Variants in JAK1 observed in about 807,000 individuals in gnomAD.
The protein encoded by JAK1 is tyrosine-protein kinase JAK1.
Under a neutral mutation model 136.6 loss-of-function variants are expected in JAK1, and 16 were observed. That is an observed-to-expected ratio of 0.12 (90% CI 0.08 to 0.18). JAK1 has a LOEUF of 0.18. Among genes scored for constraint, JAK1 ranks in the 10% least tolerant of loss-of-function variants. The pLI, the probability that JAK1 is intolerant of heterozygous loss-of-function variation, is 1.00. For missense variants in JAK1, 859 were observed against 1,450.1 expected (o/e 0.59, Z 6.62); for synonymous variants, 492 against 519.5 (o/e 0.95, Z 0.72).
rs141839975 is a variant in JAK1, at chr1:65,032,572, A to C, written c.-78+11908T>G. On this transcript the variant is annotated intron_variant, in intron 2 of 25. Coordinates refer to the JAK1 transcript ENST00000671954. ...CAATGAATCCACTCAAAATAATTTC[A>C]AATGACCTGGCTTTATTTTCTTAAC... Among the ~76,000 whole-genome samples, 84 of 152,376 alleles carry C rather than the reference A, an allele frequency of 5.5e-4. No homozygotes were observed. The East Asian group carries it at 0.014, about 26-fold the overall frequency.
At chr1:64,901,177 G>C (rs1645099571) in intron 1 of JAK1, among the ~76,000 whole-genome samples, 1 of 152,152 alleles carries the variant, frequency 6.6e-6, no homozygotes, top group Non-Finnish European at 1.5e-5. Flanking sequence ...ATAAATGTCT[G>C]TGTAAGAAGC....
At chr1:65,044,475 C>T (rs548998229) in intron 2 of JAK1, among the ~76,000 whole-genome samples, 9 of 152,288 alleles carry the variant, frequency 5.9e-5, no homozygotes, top group East Asian at 1.9e-4. Context: ...TTAATACCTA[C>T]GTACCTGCCT....
chr1:64,872,861 CT>C (rs1441908550), intron 5 of JAK1, among the ~76,000 whole-genome samples: 3 of 152,180 alleles, frequency 2.0e-5, no homozygotes, highest in Non-Finnish European at 2.9e-5. Flanking sequence ...AAGCATACTA[CT>C]AAAAATCTTA....
chr1:64,963,574 G>A (rs72922272), intron 1 of JAK1, among the ~76,000 whole-genome samples: 29,514 of 151,870 alleles, frequency 0.19, 3,532 homozygotes, highest in East Asian at 0.41. Flanking sequence ...CTCAACTACC[G>A]GTAAATCTAA....
At chr1:64,913,170 C>T (rs1570759041) in intron 1 of JAK1, among the ~76,000 whole-genome samples, 2 of 152,272 alleles carry the variant, frequency 1.3e-5, no homozygotes, top group East Asian at 3.9e-4. Context: ...TACAGGCGTG[C>T]ACACCATCAC....
intron 1 of JAK1, among the ~76,000 whole-genome samples, 155 bp downstream of exon 1, chr1:64,966,178 G>C (rs1646373903): frequency 6.6e-6 from 1 of 151,716 alleles, no homozygotes. Context: ...CGCCCGAGCC[G>C]CGGGGTCCTG....
At chr1:65,030,743 G>T (rs971255830) in intron 2 of JAK1, among the ~76,000 whole-genome samples, 2 of 152,156 alleles carry the variant, frequency 1.3e-5, no homozygotes, top group Non-Finnish European at 2.9e-5. Flanking sequence ...TGTTGGCCAG[G>T]TTGGTCTTGA....
intron 1 of JAK1, among the ~76,000 whole-genome samples, chr1:65,056,487 AC>A (rs1242352553): frequency 6.6e-6 from 1 of 151,896 alleles, no homozygotes; most frequent in Non-Finnish European, 1.5e-5. Flanking sequence ...ATAAGAAAGA[AC>A]CTCTCTGTAC....
chr1:64,943,239 C>A (rs1246901298), intron 1 of JAK1, among the ~76,000 whole-genome samples: 1 of 152,114 alleles, frequency 6.6e-6, no homozygotes, highest in Non-Finnish European at 1.5e-5. Flanking sequence ...AGAATTGATA[C>A]CTATTACCTC....
At chr1:64,838,131 A>G (rs376264402) in intron 21 of JAK1, 27 bp from the exon 22 acceptor site, 2 of 1,596,500 alleles carry the variant, frequency 1.3e-6, no homozygotes, top group East Asian at 4.5e-5. Flanking sequence ...AAAGTCAAGC[A>G]CATTGCTAAA....
Position 64,928,792 on chromosome 1 carries a change from A to AAAAAAAC in JAK1, c.-78+37540_-78+37541insGTTTTTT, listed in dbSNP as rs1553170032. Reference sequence around the variant, plus strand: ...ATAAAACTCTGCAAAAAAAAAAAAAAAAAACAAAAAAAAAAAACTCTGCAA... The same window carrying AAAAAAAC: ...ATAAAACTCTGCAAAAAAAAAAAAAAAAAAAACAAAACAAAAAAAAAAAACTCTGCAA... On this transcript the variant is annotated intron_variant, in intron 1 of 24. Coordinates refer to ENST00000342505, the MANE Select transcript of JAK1 (RefSeq NM_002227.4). Among the ~76,000 whole-genome samples the AAAAAAAC allele has an allele frequency of 1.7e-4, 21 of 125,550 alleles. No homozygotes were observed. In the South Asian group the frequency reaches 2.7e-3, roughly 16 times the overall value. 82.4% of individuals were successfully genotyped at this position (125,550 alleles called of 152,430 possible).
chr1:65,037,867 G>C lies in JAK1; in HGVS notation c.-78+6613C>G, dbSNP rs544289663. The stretch of plus-strand genomic sequence containing the variant: ...GGCAACAGAGTGAGACCTTGTTTCT[G>C]AAGAAGAAAATAATAAATAAAACAA... On this transcript the variant is annotated intron_variant, in intron 2 of 25. Coordinates refer to the JAK1 transcript ENST00000671954. 2.0e-5 allele frequency among the ~76,000 whole-genome samples: 3 copies of C among 152,212 alleles called. No individual in the cohort carries two copies. The East Asian group carries it at 5.8e-4, about 29-fold the overall frequency.
intron 1 of JAK1, among the ~76,000 whole-genome samples, chr1:64,905,220 C>T (rs1309990240): frequency 6.6e-6 from 1 of 152,180 alleles, no homozygotes; most frequent in Non-Finnish European, 1.5e-5. Flanking sequence ...GTTCAGGAAA[C>T]CCTGCCTCAT....
chr1:64,959,527 G>C (rs1390539846), intron 1 of JAK1, among the ~76,000 whole-genome samples: 1 of 151,390 alleles, frequency 6.6e-6, no homozygotes, highest in African/African-American at 2.4e-5. Context: ...GGTATACATG[G>C]TGCCTCTGCC....
At position 65,061,529 on chromosome 1, in the gene JAK1, T is replaced by C. The variant is rs537205273; in HGVS notation, c.-181+6075A>G. On this transcript the variant is annotated intron_variant, in intron 1 of 25. Transcript: ENST00000671954. ...ATTAAATAACTGAAGGCACCGTAAGTTGTTGGCCAAGCAGAATATTTGAAA... is the reference window on the plus strand; with the variant it reads ...ATTAAATAACTGAAGGCACCGTAAGCTGTTGGCCAAGCAGAATATTTGAAA... Among the ~76,000 whole-genome samples the C allele has an allele frequency of 2.3e-3, 344 of 152,304 alleles. 2 individuals are homozygous for C. Among genetic ancestry groups the C allele is most frequent in the African/African-American group, 8.0e-3 (331 of 41,564 alleles).
chr1:65,054,691 A>G (rs1194914511), intron 1 of JAK1, among the ~76,000 whole-genome samples: 2 of 152,176 alleles, frequency 1.3e-5, no homozygotes, highest in African/African-American at 2.4e-5. Context: ...CTCACCAGAA[A>G]AGACATAAAG....
intron 1 of JAK1, among the ~76,000 whole-genome samples, chr1:64,917,575 A>G (rs899170106): frequency 6.6e-6 from 1 of 152,180 alleles, no homozygotes; most frequent in African/African-American, 2.4e-5. Context: ...ATCCCCGTAG[A>G]CTGCATTGAG....
At chr1:64,891,668 C>T (rs1370999616) in intron 1 of JAK1, among the ~76,000 whole-genome samples, 3 of 152,200 alleles carry the variant, frequency 2.0e-5, no homozygotes, top group African/African-American at 7.2e-5. Flanking sequence ...ACTGGGACCC[C>T]ACTGCTATGC....
intron 2 of JAK1, chr1:64,993,442 G>T (rs1217541991): frequency 6.6e-6 from 1 of 152,082 alleles, no homozygotes; most frequent in Non-Finnish European, 1.5e-5. Flanking sequence ...ACACAGTGTA[G>T]GTGCTCAAGA....
Sources: gnomAD v4.1 joint callset for allele counts (sites outside exome capture counted in the v4.1 genomes callset) on GRCh38, gnomAD v4.1.1 for gene constraint, MANE v1.5 for transcripts, NCBI Gene and HGNC (gene_info 2026-07-23, HGNC 2026-07-21) for gene names.